The following SSPN variants were observed in gnomAD, a reference collection of about 807,000 sequenced individuals.
SSPN encodes K-ras oncogene-associated protein.
Under a neutral mutation model 19.1 loss-of-function variants are expected in SSPN, and 15 were observed. That is an observed-to-expected ratio of 0.78 (90% CI 0.52 to 1.21). The LOEUF (loss-of-function observed/expected upper bound fraction) is 1.21, where lower values mean the gene tolerates loss of function less well. SSPN is among the 50% of genes most tolerant of loss of function. SSPN has a pLI of 0.00. For synonymous variants in SSPN, 147 were observed against 140.3 expected, an observed-to-expected ratio of 1.05 and a Z score of -0.34; for missense variants, 291 against 314.0, an observed-to-expected ratio of 0.93 and a Z score of 0.55.
intron 1 of SSPN, among the ~76,000 whole-genome samples, chr12:26,165,703 A>G (rs1944616630): frequency 6.6e-6 from 1 of 152,172 alleles, no homozygotes. Context: ...GCACTTTTAT[A>G]CTTTAGTTTT....
chr12:26,188,865 A>C (rs1228681476), intron 1 of SSPN, among the ~76,000 whole-genome samples: 1 of 152,206 alleles, frequency 6.6e-6, no homozygotes, highest in African/African-American at 2.4e-5. Flanking sequence ...GTCTGTCCAC[A>C]CAGCACTGTA....
chr12:26,225,745 TA>T (rs35244146), intron 2 of SSPN, among the ~76,000 whole-genome samples: 11,504 of 121,588 alleles, frequency 0.095, 571 homozygotes, highest in African/African-American at 0.17. Flanking sequence ...GCTTGGTGAT[TA>T]AAAAAAAAAA....
Position 26,201,033 on chromosome 12 carries a change from ATATATATATATAT to A in SSPN, c.279+5097_279+5109del, listed in dbSNP as rs758291537. ...TGTGTATATATATATATATATATAT[ATATATATATATAT>A]TATATATATATATTTGGAAATAAAA... is the stretch of plus-strand genomic sequence containing the variant. On this transcript the variant is annotated intron_variant, in intron 1 of 2. Transcript: ENST00000242729. Among the ~76,000 whole-genome samples the A allele has an allele frequency of 6.0e-4, 34 of 56,956 alleles. 1 individual carries two copies. The East Asian group carries it at 7.3e-3, about 12-fold the overall frequency. The allele number at this position is 56,956 out of a possible 152,430, so 37.4% of individuals were successfully genotyped here.
chr12:26,165,275 TC>T (rs1199348459), intron 1 of SSPN, among the ~76,000 whole-genome samples: 5 of 152,222 alleles, frequency 3.3e-5, no homozygotes. Flanking sequence ...GAAAGTATTT[TC>T]CTCTTTATAA....
chr12:26,173,505 G>A (rs1944665491), intron 1 of SSPN, among the ~76,000 whole-genome samples: 1 of 152,094 alleles, frequency 6.6e-6, no homozygotes. Flanking sequence ...TTTTTCCATT[G>A]TCCAGATATT....
chr12:26,204,784 T>C (rs1944916823), intron 1 of SSPN, among the ~76,000 whole-genome samples: 1 of 152,208 alleles, frequency 6.6e-6, no homozygotes, highest in South Asian at 2.1e-4. Context: ...CTTCACTAAG[T>C]ACTGTATTGC....
At chr12:26,122,831 G>C (rs1944325009) in intron 1 of SSPN, 6 of 1,581,922 alleles carry the variant, frequency 3.8e-6, no homozygotes, top group South Asian at 1.1e-5. Context: ...CGGCGAGCTC[G>C]GCGCTGGGCT....
intron 1 of SSPN, among the ~76,000 whole-genome samples, chr12:26,137,495 G>A (rs1357177031): frequency 1.3e-5 from 2 of 151,720 alleles, no homozygotes; most frequent in Non-Finnish European, 2.9e-5. Context: ...AAACCTCAGT[G>A]TCCGCACTTA....
At chr12:26,161,788 G>A (rs2137424975) in intron 1 of SSPN, among the ~76,000 whole-genome samples, 1 of 152,296 alleles carries the variant, frequency 6.6e-6, no homozygotes, top group South Asian at 2.1e-4. Flanking sequence ...GTATTAGTTA[G>A]ATTTTCATAA....
At chr12:26,143,791 G>T (rs1049183716) in intron 1 of SSPN, among the ~76,000 whole-genome samples, 1 of 152,212 alleles carries the variant, frequency 6.6e-6, no homozygotes, top group Non-Finnish European at 1.5e-5. Flanking sequence ...TGCAAGTAAA[G>T]CTTCATCTGT....
At chr12:26,176,198 G>A (rs554756380) in intron 1 of SSPN, among the ~76,000 whole-genome samples, 4 of 152,116 alleles carry the variant, frequency 2.6e-5, no homozygotes, top group South Asian at 4.2e-4. Flanking sequence ...TAGCTCTCTC[G>A]GTTTCTGTCT....
chr12:26,146,256 T>C (rs1033291401), intron 1 of SSPN, among the ~76,000 whole-genome samples: 12 of 152,200 alleles, frequency 7.9e-5, no homozygotes, highest in African/African-American at 2.9e-4. Context: ...TGAGATGGGA[T>C]GGATTCATCA....
intron 1 of SSPN, among the ~76,000 whole-genome samples, chr12:26,163,732 T>C (rs1944603888): frequency 1.3e-5 from 2 of 152,240 alleles, no homozygotes; most frequent in African/African-American, 4.8e-5. Flanking sequence ...AATTTTAGAG[T>C]AAATTAAGTT....
intron 1 of SSPN, among the ~76,000 whole-genome samples, chr12:26,208,829 G>A (rs1351347282): frequency 3.3e-5 from 5 of 152,044 alleles, no homozygotes; most frequent in African/African-American, 9.7e-5. Flanking sequence ...CCCTTTCATA[G>A]TGATCTGTTA....
At chr12:26,224,054 A>G (rs1001950017) in intron 1 of SSPN, among the ~76,000 whole-genome samples, 2 of 152,220 alleles carry the variant, frequency 1.3e-5, no homozygotes, top group African/African-American at 4.8e-5. Flanking sequence ...AGGATCTTGT[A>G]TAGCACCTGG....
chr12:26,186,929 T>C (rs1391408105), intron 1 of SSPN, among the ~76,000 whole-genome samples: 1 of 152,214 alleles, frequency 6.6e-6, no homozygotes, highest in Non-Finnish European at 1.5e-5. Flanking sequence ...CCTCTCTCTC[T>C]CTTTCTTCCC....
At chr12:26,133,156 T>C (rs1944405710) in intron 1 of SSPN, among the ~76,000 whole-genome samples, 1 of 152,188 alleles carries the variant, frequency 6.6e-6, no homozygotes, top group African/African-American at 2.4e-5. Flanking sequence ...CCTCAGCAGT[T>C]CAACCTGGAA....
chr12:26,123,139 A>T, intron 1 of SSPN: 1 of 1,605,218 alleles, frequency 6.2e-7, no homozygotes, highest in South Asian at 1.1e-5. Flanking sequence ...TCCAAGTCGG[A>T]CTGAATGGGC....
intron 1 of SSPN, among the ~76,000 whole-genome samples, chr12:26,199,488 C>T (rs1036722440): frequency 6.6e-6 from 1 of 152,174 alleles, no homozygotes; most frequent in African/African-American, 2.4e-5. Flanking sequence ...GTAAGTCATA[C>T]CGCAATGACA....
Sources: gnomAD v4.1 joint callset for allele counts (sites outside exome capture counted in the v4.1 genomes callset) on GRCh38, gnomAD v4.1.1 for gene constraint, MANE v1.5 for transcripts, NCBI Gene and HGNC (gene_info 2026-07-23, HGNC 2026-07-21) for gene names.